PIK3C2G: variants seen among roughly 807,000 people sequenced by gnomAD.
The protein encoded by PIK3C2G is phosphatidylinositol 3-kinase C2 domain-containing subunit gamma.
Under a neutral mutation model 181.1 loss-of-function variants are expected in PIK3C2G, and 168 were observed. The observed-to-expected ratio is 0.93, with a 90% CI of 0.82 to 1.05. The LOEUF (loss-of-function observed/expected upper bound fraction) is 1.05. Ranked by LOEUF, PIK3C2G falls within the 50% of genes least tolerant of loss-of-function variation. The pLI, the probability that PIK3C2G is intolerant of heterozygous loss-of-function variation, is 0.00. For synonymous variants in PIK3C2G, 573 were observed against 592.2 expected (o/e 0.97, Z 0.47); for missense variants, 1,869 against 1,732.8 (o/e 1.08, Z -1.40).
At chr12:18,354,155 G>A (rs1267622903) in intron 11 of PIK3C2G, among the ~76,000 whole-genome samples, 1 of 152,220 alleles carries the variant, frequency 6.6e-6, no homozygotes, top group Non-Finnish European at 1.5e-5. Context: ...TCAAATACTT[G>A]GGTTAAATTC....
At chr12:18,438,094 T>C (rs972152966) in intron 18 of PIK3C2G, among the ~76,000 whole-genome samples, 1 of 152,010 alleles carries the variant, frequency 6.6e-6, no homozygotes, top group African/African-American at 2.4e-5. Flanking sequence ...AACACTAGAG[T>C]CATTTTTCCA....
chr12:18,652,249 T>C (rs1298082933), downstream of PIK3C2G, among the ~76,000 whole-genome samples: 1 of 152,098 alleles, frequency 6.6e-6, no homozygotes, highest in African/African-American at 2.4e-5. Context: ...GCCAGTCCCA[T>C]ATACCAGTCA....
At position 18,590,693 on chromosome 12, in the gene PIK3C2G, G is replaced by C. The variant is rs542886534; in HGVS notation, c.4012-3801G>C. On this transcript the variant is annotated intron_variant, in intron 29 of 32. Coordinates refer to ENST00000538779, the MANE Select transcript of PIK3C2G (RefSeq NM_001288772.2). ...GAGGCATACATATAAGCAAAGTCAA[G>C]TCTCAGAAAATTTAAAAGTTGATCA... is the stretch of plus-strand genomic sequence containing the variant. Among the ~76,000 whole-genome samples the C allele has an allele frequency of 3.9e-5, 6 of 151,992 alleles. No individual in the cohort carries two copies. The East Asian group carries it at 1.2e-3, about 29-fold the overall frequency.
intron 15 of PIK3C2G, among the ~76,000 whole-genome samples, chr12:18,392,321 C>T (rs1166275066): frequency 1.3e-5 from 2 of 152,064 alleles, no homozygotes; most frequent in African/African-American, 2.4e-5. Flanking sequence ...AGTTTGGGCC[C>T]TCCCATACTA....
chr12:18,376,115 G>C (rs1023528470), intron 13 of PIK3C2G, among the ~76,000 whole-genome samples: 1 of 152,138 alleles, frequency 6.6e-6, no homozygotes, highest in Admixed American at 6.5e-5. Context: ...GTCCTTACTG[G>C]GGCACTGCAT....
At chr12:18,421,061 A>G in intron 17 of PIK3C2G, 27 bp downstream of exon 17, 1 of 1,239,154 alleles carries the variant, frequency 8.1e-7, no homozygotes, top group South Asian at 1.2e-5. Flanking sequence ...TGCTAAGGAA[A>G]CCCAGGGTTT....
downstream of PIK3C2G, among the ~76,000 whole-genome samples, chr12:18,650,329 C>A (rs563770): frequency 0.52 from 41,659 of 79,772 alleles, 9,026 homozygotes; most frequent in East Asian, 0.59. Flanking sequence ...CTCTCTCTCT[C>A]TCTATATATA....
chr12:18,490,445 G>A (rs775214151), intron 19 of PIK3C2G, among the ~76,000 whole-genome samples: 6 of 151,872 alleles, frequency 4.0e-5, no homozygotes, highest in East Asian at 3.9e-4. Context: ...TAGTTACCTC[G>A]TGCTAGCAAA....
At chr12:18,548,321 G>A (rs1470163309) in intron 26 of PIK3C2G, among the ~76,000 whole-genome samples, 1 of 152,040 alleles carries the variant, frequency 6.6e-6, no homozygotes, top group African/African-American at 2.4e-5. Flanking sequence ...GTGTCATTGT[G>A]TGGGCAGAAC....
intron 22 of PIK3C2G, among the ~76,000 whole-genome samples, chr12:18,501,569 A>G (rs781320083): frequency 1.4e-4 from 21 of 152,238 alleles, no homozygotes; most frequent in South Asian, 2.1e-4. Flanking sequence ...TTAAAGGACT[A>G]TAAGAGTGAA....
intron 18 of PIK3C2G, among the ~76,000 whole-genome samples, chr12:18,469,477 T>G (rs11608750): frequency 0.034 from 5,141 of 152,224 alleles, 120 homozygotes; most frequent in Non-Finnish European, 0.055. Flanking sequence ...TTCAAAGACA[T>G]GCTGAATATG....
intron 11 of PIK3C2G, among the ~76,000 whole-genome samples, chr12:18,361,783 T>G (rs1941257547): frequency 6.6e-6 from 1 of 152,198 alleles, no homozygotes; most frequent in Admixed American, 6.5e-5. Context: ...TAAAGTATGC[T>G]GCCTCCCATC....
intron 18 of PIK3C2G, among the ~76,000 whole-genome samples, chr12:18,469,502 T>A (rs909184092): frequency 6.6e-6 from 1 of 152,158 alleles, no homozygotes; most frequent in African/African-American, 2.4e-5. Flanking sequence ...AATTATCCTA[T>A]ACTTGTAATC....
chr12:18,601,061 A>G (rs1211383338), intron 30 of PIK3C2G, among the ~76,000 whole-genome samples: 1 of 152,102 alleles, frequency 6.6e-6, no homozygotes, highest in East Asian at 1.9e-4. Context: ...AAAATTCTAA[A>G]TAAAATATTA....
At chr12:18,374,626 A>T (rs1942309102) in intron 13 of PIK3C2G, among the ~76,000 whole-genome samples, 1 of 152,250 alleles carries the variant, frequency 6.6e-6, no homozygotes. Flanking sequence ...TACTCCATGC[A>T]CACTCTGTAA....
the PIK3C2G span, chr12:18,700,093 A>C: frequency 7.1e-6 from 5 of 701,016 alleles, no homozygotes; most frequent in East Asian, 2.8e-5. Flanking sequence ...TGATTAACTC[A>C]ATATGATTAT....
the PIK3C2G span, among the ~76,000 whole-genome samples, chr12:18,720,787 A>AT: frequency 6.6e-6 from 1 of 152,096 alleles, no homozygotes; most frequent in African/African-American, 2.4e-5. Flanking sequence ...CATTAGCATT[A>AT]TTTATAAAAG....
the PIK3C2G span, chr12:18,684,079 A>T: frequency 6.3e-7 from 1 of 1,593,254 alleles, no homozygotes; most frequent in Non-Finnish European, 8.6e-7. Flanking sequence ...TTTGATATAC[A>T]CAAGTTATAT....
At chr12:18,492,642 C>G (rs1453890124) in intron 20 of PIK3C2G, among the ~76,000 whole-genome samples, 1 of 152,168 alleles carries the variant, frequency 6.6e-6, no homozygotes, top group Admixed American at 6.5e-5. Flanking sequence ...GACACTGTAC[C>G]TTAATGTAGA....
Sources: gnomAD v4.1 joint callset for allele counts (sites outside exome capture counted in the v4.1 genomes callset) on GRCh38, gnomAD v4.1.1 for gene constraint, MANE v1.5 for transcripts, NCBI Gene and HGNC (gene_info 2026-07-23, HGNC 2026-07-21) for gene names.